COLEC11: variants seen among roughly 807,000 people sequenced by gnomAD.
The protein encoded by COLEC11 is collectin subfamily member 11, also known as collectin-11.
In COLEC11, 20 loss-of-function variants were observed where a neutral mutation model predicts 27.3. The ratio of observed to expected loss-of-function variants is 0.73; its 90% CI spans 0.51 to 1.06. COLEC11 has a LOEUF of 1.06. COLEC11 is among the 50% of genes least tolerant of loss of function. The probability of loss-of-function intolerance (pLI) is 0.00; values close to 1 mark genes in which losing one functional copy is unlikely to be tolerated. For missense variants in COLEC11, 310 were observed against 383.0 expected (o/e 0.81, Z 1.59); for synonymous variants, 163 against 154.7 (o/e 1.05, Z -0.40).
In COLEC11 at chr2:3,643,476, G is replaced by T. The variant is rs758248879; in HGVS notation, c.361G>T (p.Ala121Ser). 27 of 1,613,726 alleles carry T rather than the reference G, an allele frequency of 1.7e-5. No homozygotes were observed. Among genetic ancestry groups the T allele is most frequent in the African/African-American group, 2.7e-5 (2 of 74,942 alleles). ...ATGTGAGTGCAGCCAGCTGCGCAAG[G>T]CCATCGGGGAGATGGACAACCAGGT... ...LPCECSQLRK[A>S]IGEMDNQVSQ... The change falls in exon 6 of 7, where the codon GCC (alanine) becomes TCC (serine). Residue 121 changes from alanine (A) to serine (S), a missense_variant. Ala to Ser is a moderately conservative substitution (Grantham distance 99). Transcript: ENST00000349077.
intron 1 of COLEC11, among the ~76,000 whole-genome samples, chr2:3,595,670 G>T (rs550335810): frequency 1.1e-4 from 16 of 152,292 alleles, no homozygotes; most frequent in African/African-American, 2.2e-4. Context: ...CCTTGCTTTG[G>T]CAACTTTCCA....
chr2:3,615,830 C>T (rs1239954867), intron 3 of COLEC11, among the ~76,000 whole-genome samples: 12 of 27,590 alleles, frequency 4.3e-4, no homozygotes, highest in Admixed American at 6.1e-4. Context: ...CCCTCCCGGA[C>T]GCGGCGGCTG....
At chr2:3,628,007 C>G (rs1274816759) in intron 3 of COLEC11, among the ~76,000 whole-genome samples, 1 of 152,254 alleles carries the variant, frequency 6.6e-6, no homozygotes, top group African/African-American at 2.4e-5. Flanking sequence ...TTTTCAACTT[C>G]TGACATCAAA....
rs377560723 is a variant in COLEC11, at chr2:3,607,449, C to CTTTTTTTTTT, written c.130+2985_130+2994dup. On this transcript the variant is annotated intron_variant, in intron 2 of 6. Transcript: ENST00000349077. ...CTTTATCAAATGAATTTTTTTTTTG[C>CTTTTTTTTTT]TTTTTTTTTTTTTTTGAGATGGAGT... Among the ~76,000 whole-genome samples the CTTTTTTTTTT allele has an allele frequency of 3.0e-3, 327 of 109,138 alleles. 22 individuals carry two copies. Among genetic ancestry groups the CTTTTTTTTTT allele is most frequent in the Middle Eastern group, 6.2e-3 (1 of 162 alleles). 71.6% of individuals were successfully genotyped at this position (109,138 alleles called of 152,430 possible).
chr2:3,635,852 G>A (rs1354518702), intron 3 of COLEC11, among the ~76,000 whole-genome samples: 1 of 152,256 alleles, frequency 6.6e-6, no homozygotes, highest in South Asian at 2.1e-4. Flanking sequence ...CTGTTGTCCT[G>A]GCTCTGCCAT....
chr2:3,603,252 C>T (rs560713264), intron 1 of COLEC11: 6 of 167,844 alleles, frequency 3.6e-5, no homozygotes, highest in South Asian at 1.5e-4. Context: ...CTCTGTTTCC[C>T]GGGCCTCTCC....
At chr2:3,610,877 T>G (rs1341773333) in intron 2 of COLEC11, among the ~76,000 whole-genome samples, 1 of 152,220 alleles carries the variant, frequency 6.6e-6, no homozygotes, top group Non-Finnish European at 1.5e-5. Context: ...AGAATTCTTA[T>G]GTCCATCTGA....
intron 1 of COLEC11, chr2:3,603,830 G>A: frequency 3.1e-6 from 2 of 652,272 alleles, no homozygotes; most frequent in Non-Finnish European, 5.4e-6. Context: ...CACCTAAGGA[G>A]ATGTGGGGGC....
intron 3 of COLEC11, among the ~76,000 whole-genome samples, chr2:3,623,863 A>G (rs184009782): frequency 7.2e-5 from 11 of 152,206 alleles, no homozygotes; most frequent in Non-Finnish European, 1.3e-4. Context: ...TGGTAATGTC[A>G]TGTTTCCTTG....
chr2:3,640,270 AT>A lies in COLEC11; in HGVS notation c.275-4del. 1.3e-6 allele frequency: 2 copies of A among 1,586,728 alleles called. No homozygotes were observed. The highest frequency in any genetic ancestry group is 8.7e-7 in the Non-Finnish European group (1 of 1,155,338). On this transcript the variant is annotated splice_region_variant and splice_polypyrimidine_tract_variant and intron_variant, in intron 4 of 6. Coordinates refer to ENST00000349077, the MANE Select transcript of COLEC11 (RefSeq NM_024027.5). Reference sequence around the variant, plus strand: ...CCTGGTGACTTGGACCTTGTTTTTTATTTTCAGGTGAGAAAGGAGATTCCGG... The same window carrying A: ...CCTGGTGACTTGGACCTTGTTTTTTATTTCAGGTGAGAAAGGAGATTCCGG...
intron 4 of COLEC11, among the ~76,000 whole-genome samples, chr2:3,639,293 T>G (rs1014000913): frequency 1.4e-4 from 22 of 152,364 alleles, no homozygotes; most frequent in African/African-American, 5.3e-4. Flanking sequence ...TGTGTATACT[T>G]TTACCATGCG....
chr2:3,638,987 C>A (rs2147959484), intron 4 of COLEC11, among the ~76,000 whole-genome samples: 1 of 152,310 alleles, frequency 6.6e-6, no homozygotes, highest in East Asian at 1.9e-4. Flanking sequence ...TCCCCCAGCC[C>A]CGGTAACCTC....
chr2:3,610,712 C>T (rs1399355483), intron 2 of COLEC11, among the ~76,000 whole-genome samples: 1 of 152,184 alleles, frequency 6.6e-6, no homozygotes, highest in Admixed American at 6.5e-5. Flanking sequence ...ACCCTGTCCT[C>T]AGAACACTTC....
At position 3,603,867 on chromosome 2, in the gene COLEC11, C is replaced by T. The variant is rs183979105; in HGVS notation, c.-26-448C>T. ...TGGATTCCTTGTCTGTGAATGGAGC[C>T]GCTAAGCTTGGGGCTCCTCAGGCGC... On this transcript the variant is annotated intron_variant, in intron 1 of 6. Coordinates refer to ENST00000349077, the MANE Select transcript of COLEC11 (RefSeq NM_024027.5). 611 of 604,486 alleles carry T rather than the reference C, an allele frequency of 1.0e-3. No homozygotes were observed. The African/African-American group carries it at 0.01, about 10-fold the overall frequency. 37.4% of individuals were successfully genotyped at this position (604,486 alleles called of 1,614,324 possible).
intron 2 of COLEC11, among the ~76,000 whole-genome samples, chr2:3,609,441 CTA>C (rs981899425): frequency 7.3e-6 from 1 of 137,288 alleles, no homozygotes; most frequent in African/African-American, 2.8e-5. Flanking sequence ...GCACTTATAG[CTA>C]ACTGCAGCCT....
chr2:3,595,784 C>G (rs1371093011), intron 1 of COLEC11, among the ~76,000 whole-genome samples: 1 of 152,210 alleles, frequency 6.6e-6, no homozygotes, highest in Non-Finnish European at 1.5e-5. Flanking sequence ...TGCCTCCTAC[C>G]TGGATGCCTT....
In COLEC11 at chr2:3,604,337, C is replaced by T. The variant is rs1378746548; in HGVS notation, c.-4C>T. On this transcript the variant is annotated 5_prime_UTR_variant, in exon 2 of 7. Coordinates refer to ENST00000349077, the MANE Select transcript of COLEC11 (RefSeq NM_024027.5). ...TAGGAGTTGGTGTCCTGCCTGCGCTCAGGATGAGGGGGAATCTGGCCCTGG... is the reference window on the plus strand; with the variant it reads ...TAGGAGTTGGTGTCCTGCCTGCGCTTAGGATGAGGGGGAATCTGGCCCTGG... 1.1e-5 allele frequency: 18 copies of T among 1,613,762 alleles called. No homozygotes were observed. Among genetic ancestry groups the T allele is most frequent in the Non-Finnish European group, 1.5e-5 (18 of 1,179,928 alleles).
At chr2:3,600,234 C>CAAA (rs35252259) in intron 1 of COLEC11, among the ~76,000 whole-genome samples, 2 of 80,680 alleles carry the variant, frequency 2.5e-5, no homozygotes, top group African/African-American at 4.9e-5. Context: ...GACTCTGTCT[C>CAAA]AAAAAAAAAA....
At chr2:3,632,662 C>T (rs1665105124) in intron 3 of COLEC11, among the ~76,000 whole-genome samples, 1 of 152,198 alleles carries the variant, frequency 6.6e-6, no homozygotes, top group Non-Finnish European at 1.5e-5. Context: ...TAATTCAGCC[C>T]TAACAGATGG....
Sources: gnomAD v4.1 joint callset for allele counts (sites outside exome capture counted in the v4.1 genomes callset) on GRCh38, gnomAD v4.1.1 for gene constraint, MANE v1.5 for transcripts, NCBI Gene and HGNC (gene_info 2026-07-23, HGNC 2026-07-21) for gene names.